Variants in EYS observed in about 807,000 individuals in gnomAD.
EYS encodes EGF-like photoreceptor maintenance factor.
Under a neutral mutation model 282.1 loss-of-function variants are expected in EYS, and 250 were observed. That is an observed-to-expected ratio of 0.89 (90% CI 0.80 to 0.98). EYS has a LOEUF of 0.98. EYS is among the 50% of genes least tolerant of loss of function. EYS has a pLI of 0.00. For missense variants in EYS, 4,016 were observed against 3,709.0 expected (o/e 1.08, Z -2.15); for synonymous variants, 1,355 against 1,282.9 (o/e 1.06, Z -1.20).
chr6:64,692,833 C>A (rs983389222), intron 22 of EYS, among the ~76,000 whole-genome samples: 4 of 151,938 alleles, frequency 2.6e-5, no homozygotes, highest in African/African-American at 7.2e-5. Flanking sequence ...GTTTTCTATT[C>A]TTTTCTATTG....
chr6:64,214,274 G>A (rs1184280405), intron 31 of EYS, among the ~76,000 whole-genome samples: 2 of 152,098 alleles, frequency 1.3e-5, no homozygotes, highest in Admixed American at 6.6e-5. Flanking sequence ...ATTTGAATAT[G>A]AGAACTAATC....
At chr6:65,101,880 C>T (rs962238133) in intron 12 of EYS, among the ~76,000 whole-genome samples, 2 of 151,184 alleles carry the variant, frequency 1.3e-5, no homozygotes, top group African/African-American at 2.4e-5. Context: ...CATTAGTGCT[C>T]GCTATCCAAA....
At chr6:65,556,107 T>C (rs1768789780) in intron 2 of EYS, among the ~76,000 whole-genome samples, 1 of 152,162 alleles carries the variant, frequency 6.6e-6, no homozygotes, top group South Asian at 2.1e-4. Flanking sequence ...TCTTTAACTA[T>C]TTTGTTTTTC....
intron 22 of EYS, among the ~76,000 whole-genome samples, chr6:64,667,990 T>C (rs1462008252): frequency 6.6e-6 from 1 of 152,330 alleles, no homozygotes; most frequent in East Asian, 1.9e-4. Flanking sequence ...CCAGAGTTTT[T>C]CATTCAGTGA....
chr6:63,884,403 T>TA (rs979374327), intron 35 of EYS, among the ~76,000 whole-genome samples: 3 of 152,174 alleles, frequency 2.0e-5, no homozygotes, highest in Admixed American at 2.0e-4. Context: ...GGATAGTAAT[T>TA]ACCCTTGTGA....
At chr6:64,256,088 T>C (rs1360285444) in intron 30 of EYS, among the ~76,000 whole-genome samples, 1 of 152,044 alleles carries the variant, frequency 6.6e-6, no homozygotes, top group Non-Finnish European at 1.5e-5. Flanking sequence ...AAAATACTTC[T>C]CTAAGTATCA....
At chr6:64,717,771 G>A (rs779398428) in intron 22 of EYS, among the ~76,000 whole-genome samples, 6 of 152,128 alleles carry the variant, frequency 3.9e-5, no homozygotes, top group Non-Finnish European at 8.8e-5. Flanking sequence ...GAGGTATATG[G>A]GTCTTTACAC....
At chr6:65,246,435 T>C (rs1466805425) in intron 12 of EYS, among the ~76,000 whole-genome samples, 1 of 152,144 alleles carries the variant, frequency 6.6e-6, no homozygotes, top group South Asian at 2.1e-4. Flanking sequence ...TCATGTCTTA[T>C]GGTATGCCAG....
intron 22 of EYS, among the ~76,000 whole-genome samples, chr6:64,701,037 A>G (rs1354636310): frequency 6.6e-6 from 1 of 151,708 alleles, no homozygotes; most frequent in African/African-American, 2.4e-5. Flanking sequence ...AGATCAATGA[A>G]ACAGAATAAA....
chr6:65,360,371 A>G (rs1483922093), intron 8 of EYS, among the ~76,000 whole-genome samples: 2 of 151,942 alleles, frequency 1.3e-5, no homozygotes, highest in Non-Finnish European at 2.9e-5. Context: ...ATATTATTTA[A>G]ATAAAAAAAT....
At chr6:64,341,733 C>T (rs1225279798) in intron 29 of EYS, among the ~76,000 whole-genome samples, 4 of 151,684 alleles carry the variant, frequency 2.6e-5, no homozygotes, top group Non-Finnish European at 5.9e-5. Flanking sequence ...TCCAATCCTA[C>T]TTCCTTCCTT....
At chr6:65,141,649 G>GTCTATCTATCTATCTA (rs66790325) in intron 12 of EYS, among the ~76,000 whole-genome samples, 1 of 131,252 alleles carries the variant, frequency 7.6e-6, no homozygotes, top group Non-Finnish European at 1.6e-5. Context: ...CTGTCTGTCT[G>GTCTATCTATCTATCTA]TCTATCTATC....
intron 35 of EYS, among the ~76,000 whole-genome samples, chr6:63,944,699 T>G (rs1582008284): frequency 6.6e-6 from 1 of 151,854 alleles, no homozygotes; most frequent in South Asian, 2.1e-4. Context: ...GAGGCTGAGG[T>G]GGGTGGATCA....
chr6:65,106,409 A>C (rs968128706), intron 12 of EYS, among the ~76,000 whole-genome samples: 2 of 152,020 alleles, frequency 1.3e-5, no homozygotes, highest in African/African-American at 4.8e-5. Flanking sequence ...CCTTAAAAGA[A>C]GAAAACAGAT....
chr6:64,335,480 T>C (rs1770816773), intron 29 of EYS, among the ~76,000 whole-genome samples: 3 of 152,118 alleles, frequency 2.0e-5, no homozygotes, highest in Non-Finnish European at 4.4e-5. Context: ...TAATGCTGCC[T>C]TTGTTTCTTG....
rs114857343 is a variant in EYS at position 64,352,337 on chromosome 6, A to T, written c.6078+36353T>A. ...GTACCTAGTTACCATTTACTGTGGG[A>T]CTCTAGTAAGTTAATATACGCAAAA... On this transcript the variant is annotated intron_variant, in intron 29 of 42. Coordinates refer to ENST00000503581, the MANE Select transcript of EYS (RefSeq NM_001142800.2). Among the ~76,000 whole-genome samples the T allele has an allele frequency of 1.5e-3, 227 of 151,646 alleles. 1 individual carries two copies. The highest frequency in any genetic ancestry group is 5.2e-3 in the African/African-American group (217 of 41,488).
intron 5 of EYS, among the ~76,000 whole-genome samples, chr6:65,480,585 A>G (rs1435418174): frequency 6.6e-6 from 1 of 152,146 alleles, no homozygotes; most frequent in Non-Finnish European, 1.5e-5. Flanking sequence ...ATAAGAAGAA[A>G]GGTGCATATT....
intron 22 of EYS, among the ~76,000 whole-genome samples, chr6:64,795,329 T>C (rs1395052085): frequency 7.0e-6 from 1 of 142,982 alleles, no homozygotes; most frequent in Non-Finnish European, 1.5e-5. Context: ...GCAAATATCA[T>C]TGAAGAAACG....
chr6:63,789,174 C>A lies in EYS; in HGVS notation c.7462G>T (p.Val2488Phe), dbSNP rs1013443458. 1.3e-6 allele frequency: 2 copies of A among 1,551,692 alleles called. No homozygotes were observed. The highest frequency in any genetic ancestry group is 1.4e-5 in the African/African-American group (1 of 73,012). Residue 2488 changes from valine to phenylalanine, a missense_variant, in exon 38 of 43, where the codon GTT becomes TTT. Val to Phe is a conservative substitution (Grantham distance 50, BLOSUM62 -1). Transcript: ENST00000503581. ...CCAGACCCCAGGTTATAACTATAAA[C>A]CACACTGCCATTGAGCAGGCCCACA... ...LAVGLLNGSVVYSYNLGSGIA... is the reference protein window; with the variant it reads ...LAVGLLNGSVFYSYNLGSGIA...
Sources: gnomAD v4.1 joint callset for allele counts (sites outside exome capture counted in the v4.1 genomes callset) on GRCh38, gnomAD v4.1.1 for gene constraint, MANE v1.5 for transcripts, NCBI Gene and HGNC (gene_info 2026-07-23, HGNC 2026-07-21) for gene names.